Variants in OR2L13 observed in about 807,000 individuals in gnomAD.
OR2L13 encodes the protein olfactory receptor 2L13.
Under a neutral mutation model 15.3 loss-of-function variants are expected in OR2L13, and 14 were observed. The observed-to-expected ratio is 0.91, with a 90% CI of 0.60 to 1.43. The LOEUF is 1.43. Among genes scored for constraint, OR2L13 ranks in the 40% most tolerant of loss-of-function variants. The pLI is 0.00. For missense variants in OR2L13, 367 were observed against 387.9 expected (o/e 0.95, Z 0.45); for synonymous variants, 152 against 142.9 (o/e 1.06, Z -0.45).
exon 3 of OR2L13, chr1:248,099,806 T>C: frequency 3.1e-6 from 5 of 1,614,150 alleles, no homozygotes; most frequent in Non-Finnish European, 4.2e-6. Flanking sequence ...GTGAAGATGA[T>C]TGGAGGCTCT....
chr1:248,021,870 A>G, the OR2L13 span: 64 of 1,177,596 alleles, frequency 5.4e-5, no homozygotes, highest in African/African-American at 9.2e-4. Context: ...TTGGAATGCA[A>G]CCCCTGCAGA....
the OR2L13 span, among the ~76,000 whole-genome samples, chr1:248,059,228 C>T: frequency 4.5e-4 from 68 of 152,212 alleles, 1 homozygote; most frequent in African/African-American, 1.6e-3. Context: ...TGGTATTTGG[C>T]TCTAGACTAA....
the OR2L13 span, among the ~76,000 whole-genome samples, chr1:247,993,800 A>AGAGAGAGT: frequency 7.3e-6 from 1 of 137,000 alleles, no homozygotes; most frequent in Non-Finnish European, 1.5e-5. Flanking sequence ...AGAGAGAGAG[A>AGAGAGAGT]GAGAGAGAGA....
At chr1:248,068,772 T>C in the OR2L13 span, among the ~76,000 whole-genome samples, 1 of 152,088 alleles carries the variant, frequency 6.6e-6, no homozygotes, top group Non-Finnish European at 1.5e-5. Context: ...TACAGAGTAG[T>C]CCTTAAAGGA....
the OR2L13 span, among the ~76,000 whole-genome samples, chr1:248,089,632 A>G: frequency 6.6e-6 from 1 of 152,206 alleles, no homozygotes; most frequent in African/African-American, 2.4e-5. Flanking sequence ...TTAAAATCAC[A>G]GGGTACTTAG....
the OR2L13 span, among the ~76,000 whole-genome samples, chr1:248,043,372 G>A: frequency 1.3e-5 from 2 of 152,348 alleles, no homozygotes; most frequent in South Asian, 2.1e-4. Flanking sequence ...TGAGGCAACA[G>A]TCCCACGGCC....
At chr1:247,960,886 T>C in the OR2L13 span, among the ~76,000 whole-genome samples, 1 of 152,174 alleles carries the variant, frequency 6.6e-6, no homozygotes, top group Non-Finnish European at 1.5e-5. Flanking sequence ...CTTGCACTTC[T>C]CAGGTGAGGC....
chr1:248,076,803 C>T, the OR2L13 span, among the ~76,000 whole-genome samples: 1 of 152,202 alleles, frequency 6.6e-6, no homozygotes, highest in African/African-American at 2.4e-5. Flanking sequence ...GACAATTTGA[C>T]ATCCTCATTT....
the OR2L13 span, among the ~76,000 whole-genome samples, chr1:247,994,602 AG>A: frequency 6.6e-6 from 1 of 152,198 alleles, no homozygotes; most frequent in African/African-American, 2.4e-5. Flanking sequence ...GGTGGTTACT[AG>A]CAGTGGGGAG....
the OR2L13 span, among the ~76,000 whole-genome samples, chr1:248,006,145 C>A: frequency 6.6e-6 from 1 of 152,022 alleles, no homozygotes; most frequent in South Asian, 2.1e-4. Context: ...TACCCAACTG[C>A]CACCTGTGCC....
chr1:248,100,756 G>C (rs954555829), exon 3 of OR2L13: 1 of 168,088 alleles, frequency 5.9e-6, no homozygotes, highest in African/African-American at 2.4e-5. Context: ...CCAGTAGTCA[G>C]TGTCTATAGT....
At chr1:248,077,790 G>A in the OR2L13 span, among the ~76,000 whole-genome samples, 4 of 152,138 alleles carry the variant, frequency 2.6e-5, no homozygotes, top group East Asian at 7.7e-4. Flanking sequence ...TAGAGAATAT[G>A]CAGGTAACTA....
chr1:248,054,630 G>C, the OR2L13 span, among the ~76,000 whole-genome samples: 1 of 152,064 alleles, frequency 6.6e-6, no homozygotes, highest in Non-Finnish European at 1.5e-5. Flanking sequence ...ACAATGGTTT[G>C]TAGTTCTCTT....
chr1:248,086,032 A>AG, the OR2L13 span, among the ~76,000 whole-genome samples: 1 of 152,222 alleles, frequency 6.6e-6, no homozygotes, highest in Non-Finnish European at 1.5e-5. Context: ...TACTAAAAAA[A>AG]AATTACATGA....
chr1:247,943,430 C>G, the OR2L13 span, among the ~76,000 whole-genome samples: 7 of 152,030 alleles, frequency 4.6e-5, no homozygotes, highest in East Asian at 1.4e-3. Context: ...AAAAAAAATC[C>G]AAAAATATCT....
the OR2L13 span, among the ~76,000 whole-genome samples, chr1:248,032,896 T>A: frequency 3.9e-5 from 6 of 152,318 alleles, no homozygotes; most frequent in East Asian, 1.2e-3. Flanking sequence ...ACTAACTCTG[T>A]TTAATTTTTG....
At chr1:248,012,358 A>G in the OR2L13 span, among the ~76,000 whole-genome samples, 2 of 152,100 alleles carry the variant, frequency 1.3e-5, no homozygotes, top group Non-Finnish European at 2.9e-5. Context: ...TTTGTTTCAT[A>G]TGCCCAAGTC....
chr1:247,943,892 T>C, the OR2L13 span, among the ~76,000 whole-genome samples: 1 of 152,152 alleles, frequency 6.6e-6, no homozygotes, highest in East Asian at 1.9e-4. Context: ...AACTTCAATA[T>C]CTTGAATGTA....
At chr1:248,053,865 T>G in the OR2L13 span, among the ~76,000 whole-genome samples, 1 of 152,226 alleles carries the variant, frequency 6.6e-6, no homozygotes, top group Non-Finnish European at 1.5e-5. Flanking sequence ...TAGATCTTTG[T>G]CAGATGGATA....
Sources: gnomAD v4.1 joint callset for allele counts (sites outside exome capture counted in the v4.1 genomes callset) on GRCh38, gnomAD v4.1.1 for gene constraint, MANE v1.5 for transcripts, NCBI Gene and HGNC (gene_info 2026-07-23, HGNC 2026-07-21) for gene names.